The following STARD13 variants were observed in gnomAD, a reference collection of about 807,000 sequenced individuals.
The protein encoded by STARD13 is stAR-related lipid transfer protein 13.
In STARD13, 62 loss-of-function variants were observed where a neutral mutation model predicts 106.4. That is an observed-to-expected ratio of 0.58 (90% CI 0.48 to 0.72). The LOEUF (loss-of-function observed/expected upper bound fraction) is 0.72, where lower values mean the gene tolerates loss of function less well. STARD13 is among the 30% of genes least tolerant of loss of function. The probability of loss-of-function intolerance (pLI) is 0.00; values close to 1 mark genes in which losing one functional copy is unlikely to be tolerated. For synonymous variants in STARD13, 565 were observed against 553.0 expected (o/e 1.02, Z -0.31); for missense variants, 1,387 against 1,424.0 (o/e 0.97, Z 0.42).
intron 1 of STARD13, among the ~76,000 whole-genome samples, chr13:33,312,337 T>C (rs1327842740): frequency 6.6e-6 from 1 of 152,226 alleles, no homozygotes; most frequent in Non-Finnish European, 1.5e-5. Flanking sequence ...AGATGCCACC[T>C]AGCTGGGGAA....
the STARD13 span, among the ~76,000 whole-genome samples, chr13:33,450,101 C>A: frequency 6.6e-6 from 1 of 152,284 alleles, no homozygotes; most frequent in East Asian, 1.9e-4. Flanking sequence ...ATTACTCTAG[C>A]TAGGACTTCC....
the STARD13 span, among the ~76,000 whole-genome samples, chr13:33,411,243 G>A: frequency 2.0e-5 from 3 of 152,124 alleles, no homozygotes; most frequent in East Asian, 1.9e-4. Context: ...CAAAATAAGC[G>A]CCATTCTCCA....
chr13:33,519,622 C>T, the STARD13 span, among the ~76,000 whole-genome samples: 1 of 152,028 alleles, frequency 6.6e-6, no homozygotes, highest in African/African-American at 2.4e-5. Context: ...CTATACCTAT[C>T]TTGAAGTGCT....
chr13:33,222,781 C>T (rs750368516), intron 1 of STARD13, among the ~76,000 whole-genome samples: 55 of 152,192 alleles, frequency 3.6e-4, no homozygotes, highest in Non-Finnish European at 8.1e-4. Context: ...AGATTCTCAG[C>T]CATTTGAAAT....
chr13:33,106,654 C>T (rs528584209), intron 13 of STARD13, 104 bp downstream of exon 13: 1 of 1,134,490 alleles, frequency 8.8e-7, no homozygotes, highest in African/African-American at 1.5e-5. Flanking sequence ...AATGAGGAAA[C>T]AAATACAGTG....
intron 1 of STARD13, among the ~76,000 whole-genome samples, chr13:33,322,536 A>G (rs572072201): frequency 6.6e-6 from 1 of 152,360 alleles, no homozygotes; most frequent in Admixed American, 6.5e-5. Context: ...AAAATCTTAC[A>G]TCTGCTCATA....
intron 1 of STARD13, chr13:33,186,036 A>G (rs1217361053): frequency 1.2e-6 from 2 of 1,614,036 alleles, no homozygotes; most frequent in East Asian, 4.5e-5. Flanking sequence ...GGTTCAAAGA[A>G]ATTCAGAGCA....
chr13:33,112,666 A>T, intron 9 of STARD13, 55 bp downstream of exon 9: 1 of 1,393,488 alleles, frequency 7.2e-7, no homozygotes, highest in Non-Finnish European at 9.8e-7. Context: ...CAGTCTTATG[A>T]ACTGTGGGAA....
At chr13:33,176,717 C>A (rs1194061037) in intron 1 of STARD13, among the ~76,000 whole-genome samples, 1 of 152,022 alleles carries the variant, frequency 6.6e-6, no homozygotes, top group Admixed American at 6.6e-5. Flanking sequence ...GCTGCAACTC[C>A]CTTTTGTCAT....
Position 33,285,556 on chromosome 13 carries a change from A to C in STARD13, c.83T>G (p.Leu28Trp). Residue 28 changes from leucine to tryptophan, a missense_variant, in exon 1 of 14, where the codon TTG becomes TGG. By Grantham distance (61) the Leu-to-Trp change is moderately conservative (BLOSUM62 -2). Coordinates refer to ENST00000336934, the MANE Select transcript of STARD13 (RefSeq NM_178006.4). ...GCGTCTTGTAGTCTGATCAAATCGCAAGTACATCTCCTGGCCCTCAGGTGT... is the reference window on the plus strand; with the variant it reads ...GCGTCTTGTAGTCTGATCAAATCGCCAGTACATCTCCTGGCCCTCAGGTGT... ...SMTPEGQEMY[L>W]RFDQTTRRSP... 1 of 1,613,970 alleles carries C rather than the reference A, an allele frequency of 6.2e-7. No homozygotes were observed. The highest frequency in any genetic ancestry group is 8.5e-7 in the Non-Finnish European group (1 of 1,179,926).
At chr13:33,405,566 G>A in the STARD13 span, among the ~76,000 whole-genome samples, 1 of 152,240 alleles carries the variant, frequency 6.6e-6, no homozygotes, top group East Asian at 1.9e-4. Flanking sequence ...GGTCCTCCTT[G>A]TAATGTATTT....
At chr13:33,295,701 G>T (rs956880737) in intron 1 of STARD13, among the ~76,000 whole-genome samples, 2 of 151,292 alleles carry the variant, frequency 1.3e-5, no homozygotes, top group African/African-American at 4.9e-5. Flanking sequence ...TGCAGAGGGT[G>T]CCCGGGGGGG....
chr13:33,598,854 A>G, the STARD13 span, among the ~76,000 whole-genome samples: 5 of 152,248 alleles, frequency 3.3e-5, no homozygotes, highest in East Asian at 9.6e-4. Flanking sequence ...TCTTTGGATC[A>G]CTAACTTGTA....
the STARD13 span, among the ~76,000 whole-genome samples, chr13:33,614,622 A>G: frequency 1.3e-5 from 2 of 152,242 alleles, no homozygotes; most frequent in African/African-American, 2.4e-5. Context: ...AGTGCCATGA[A>G]AAAAACAAAA....
chr13:33,117,918 A>G, intron 8 of STARD13, 147 bp downstream of exon 8: 1 of 1,413,192 alleles, frequency 7.1e-7, no homozygotes, highest in Non-Finnish European at 9.2e-7. Context: ...TTTGAGCAAA[A>G]GTTACTTCCG....
chr13:33,212,185 C>G lies in STARD13; in HGVS notation c.170-44563G>C, dbSNP rs527886749. Among the ~76,000 whole-genome samples, 19 of 152,278 alleles carry G rather than the reference C, an allele frequency of 1.2e-4. 4 individuals carry two copies. The South Asian group carries it at 4.0e-3, about 32-fold the overall frequency. On this transcript the variant is annotated intron_variant, in intron 1 of 13. Coordinates refer to ENST00000336934, the MANE Select transcript of STARD13 (RefSeq NM_178006.4). ...GGCTCACCTGTCCCCCTGAAGCTGA[C>G]AGATTTGTCCCTCTGTACCTCTCCA... is the stretch of plus-strand genomic sequence containing the variant.
chr13:33,132,993 G>A (rs141277414), intron 4 of STARD13, among the ~76,000 whole-genome samples: 22 of 152,234 alleles, frequency 1.4e-4, no homozygotes, highest in South Asian at 1.2e-3. Flanking sequence ...TGCATTTTAG[G>A]AAGCTAGTGA....
intron 1 of STARD13, among the ~76,000 whole-genome samples, chr13:33,309,397 T>C (rs928392219): frequency 4.6e-5 from 7 of 152,030 alleles, no homozygotes; most frequent in Admixed American, 2.0e-4. Flanking sequence ...ATAATGAAAA[T>C]TGGAGTTGTG....
At chr13:33,286,976 T>C (rs185412623), upstream of STARD13, among the ~76,000 whole-genome samples, 10 of 152,264 alleles carry the variant, frequency 6.6e-5, no homozygotes, top group Admixed American at 6.5e-4. Flanking sequence ...GTTTTTCTTC[T>C]TTAACATTGT....
Sources: allele counts gnomAD v4.1 joint callset (sites outside exome capture counted in the v4.1 genomes callset), GRCh38; gene constraint gnomAD v4.1.1; transcripts MANE v1.5; gene names NCBI Gene and HGNC (gene_info 2026-07-23, HGNC 2026-07-21).